Variants in SEMA5A observed in about 807,000 individuals in gnomAD.
SEMA5A encodes the protein semaphorin-5A.
Under a neutral mutation model 135.5 loss-of-function variants are expected in SEMA5A, and 55 were observed. That is an observed-to-expected ratio of 0.41 (90% confidence interval 0.33 to 0.51). The LOEUF (loss-of-function observed/expected upper bound fraction) is 0.51, where lower values mean the gene tolerates loss of function less well. SEMA5A is among the 20% of genes least tolerant of loss of function. The pLI is 0.37. For missense variants in SEMA5A, 1,290 were observed against 1,419.9 expected (o/e 0.91, Z 1.47); for synonymous variants, 580 against 546.5 (o/e 1.06, Z -0.85).
In SEMA5A at chr5:9,196,903, C is replaced by A. The variant is rs559500202; in HGVS notation, c.1068+265G>T. 1.2e-4 allele frequency among the ~76,000 whole-genome samples: 18 copies of A among 152,322 alleles called. No homozygotes were observed. In the East Asian group the frequency reaches 3.5e-3, roughly 29 times the overall value. ...ACTAATTGAAGCCTGGATTCCTAAC[C>A]TGCTGCAGAATGCTGGCCTTTTTCC... On this transcript the variant is annotated intron_variant, in intron 10 of 22. Transcript: ENST00000382496.
intron 1 of SEMA5A, among the ~76,000 whole-genome samples, chr5:9,501,774 G>T (rs1459188472): frequency 6.6e-6 from 1 of 152,148 alleles, no homozygotes; most frequent in Admixed American, 6.5e-5. Flanking sequence ...GAGCACCCAA[G>T]GACTCAGGAC....
rs1022790871 is a variant in SEMA5A, at chr5:9,444,629, C to T, written c.-174-6777G>A. ...GGTTGGTTCCACATTTTTGCAATTG[C>T]GAACTGTGATCCTATAAACATGCAT... On this transcript the variant is annotated intron_variant, in intron 1 of 22. Transcript: ENST00000382496. Among the ~76,000 whole-genome samples the T allele has an allele frequency of 7.9e-5, 12 of 152,164 alleles. No homozygotes were observed. The East Asian group carries it at 9.7e-4, about 12-fold the overall frequency.
intron 16 of SEMA5A, among the ~76,000 whole-genome samples, chr5:9,086,284 G>A (rs1738683734): frequency 1.3e-5 from 2 of 152,070 alleles, no homozygotes; most frequent in Admixed American, 6.5e-5. Context: ...GGGGCAGAGT[G>A]ATATGGTTTG....
chr5:9,306,878 G>A lies in SEMA5A; in HGVS notation c.270+11494C>T, dbSNP rs547280397. On this transcript the variant is annotated intron_variant, in intron 5 of 22. Coordinates refer to ENST00000382496, the MANE Select transcript of SEMA5A (RefSeq NM_003966.3). ...CTTGAATCAGAAACTAATGGCTATG[G>A]TTTAAAATTGCATTTGATTTTGATG... is the stretch of plus-strand genomic sequence containing the variant. Among the ~76,000 whole-genome samples the A allele has an allele frequency of 6.6e-5, 10 of 152,280 alleles. No homozygotes were observed. In the East Asian group the frequency reaches 1.7e-3, roughly 26 times the overall value.
chr5:9,373,289 A>G (rs1306859443), intron 3 of SEMA5A, among the ~76,000 whole-genome samples: 1 of 152,238 alleles, frequency 6.6e-6, no homozygotes, highest in East Asian at 1.9e-4. Context: ...ATATGGGAAT[A>G]AAACCCAAGT....
In SEMA5A at chr5:9,246,097, AT is replaced by A. The variant is rs199635380; in HGVS notation, c.271-8208del. 2.6e-3 allele frequency among the ~76,000 whole-genome samples: 396 copies of A among 152,270 alleles called. 11 individuals carry two copies. Among genetic ancestry groups the A allele is most frequent in the Admixed American group, 0.022 (338 of 15,284 alleles). On this transcript the variant is annotated intron_variant, in intron 5 of 22. Coordinates refer to ENST00000382496, the MANE Select transcript of SEMA5A (RefSeq NM_003966.3). ...CAAACGACTGGTGCACTTCAAAAAT[AT>A]TTCTAAGGTAAGGCTCATAAGAGCC...
intron 2 of SEMA5A, among the ~76,000 whole-genome samples, chr5:9,426,480 T>TAAAATAAAATAAAATAAAA (rs1757667449): frequency 4.0e-5 from 1 of 24,976 alleles, no homozygotes; most frequent in East Asian, 1.5e-3. Flanking sequence ...ATAAAATAAA[T>TAAAATAAAATAAAATAAAA]GTGTATTGTC....
chr5:9,045,246 T>C (rs1736186218), intron 21 of SEMA5A, among the ~76,000 whole-genome samples: 1 of 152,222 alleles, frequency 6.6e-6, no homozygotes, highest in South Asian at 2.1e-4. Context: ...ACAGGGTTTC[T>C]GCAGAAAAGT....
At chr5:9,127,023 T>G (rs1423872522) in intron 13 of SEMA5A, among the ~76,000 whole-genome samples, 3 of 152,222 alleles carry the variant, frequency 2.0e-5, no homozygotes, top group Non-Finnish European at 4.4e-5. Context: ...TTTCAATCTC[T>G]GAATACGAGG....
chr5:9,430,764 C>A (rs1439820531), intron 2 of SEMA5A, among the ~76,000 whole-genome samples: 2 of 151,820 alleles, frequency 1.3e-5, no homozygotes, highest in Non-Finnish European at 2.9e-5. Flanking sequence ...AGGGATCAGA[C>A]TGGGCTCAAA....
chr5:9,088,637 A>AATATAT (rs71611400), intron 16 of SEMA5A, among the ~76,000 whole-genome samples: 3,285 of 108,078 alleles, frequency 0.03, 296 homozygotes, highest in African/African-American at 0.12. Flanking sequence ...CTACATTTAT[A>AATATAT]ATATATATAT....
chr5:9,251,611 T>C (rs989506969), intron 5 of SEMA5A, among the ~76,000 whole-genome samples: 5 of 152,198 alleles, frequency 3.3e-5, no homozygotes, highest in Non-Finnish European at 7.3e-5. Flanking sequence ...TATGTAAATG[T>C]ATACGGCAGA....
At chr5:9,291,605 AAGAG>A (rs113178598) in intron 5 of SEMA5A, among the ~76,000 whole-genome samples, 7 of 126,674 alleles carry the variant, frequency 5.5e-5, no homozygotes, top group East Asian at 2.0e-4. Flanking sequence ...GAGAGAGAGA[AAGAG>A]AGAGAGAGAG....
chr5:9,215,134 C>T (rs548702575), intron 8 of SEMA5A, among the ~76,000 whole-genome samples: 1 of 152,298 alleles, frequency 6.6e-6, no homozygotes, highest in East Asian at 1.9e-4. Context: ...ATCCCTACCT[C>T]AGGACTCATG....
chr5:9,539,909 C>T (rs190498994), intron 1 of SEMA5A, among the ~76,000 whole-genome samples: 8 of 152,310 alleles, frequency 5.3e-5, no homozygotes, highest in Non-Finnish European at 8.8e-5. Flanking sequence ...TCTCCCAACC[C>T]TCCACCTGCC....
At chr5:9,098,648 G>A (rs1739459382) in intron 16 of SEMA5A, among the ~76,000 whole-genome samples, 1 of 152,206 alleles carries the variant, frequency 6.6e-6, no homozygotes, top group Non-Finnish European at 1.5e-5. Flanking sequence ...CCATCTGACT[G>A]AGCATTTGCT....
At chr5:9,314,818 C>A (rs1189088478) in intron 5 of SEMA5A, among the ~76,000 whole-genome samples, 1 of 152,112 alleles carries the variant, frequency 6.6e-6, no homozygotes. Flanking sequence ...CTGCTTTGCA[C>A]CAATGGTACA....
At chr5:9,489,947 T>C (rs2126797550) in intron 1 of SEMA5A, among the ~76,000 whole-genome samples, 1 of 152,292 alleles carries the variant, frequency 6.6e-6, no homozygotes, top group East Asian at 1.9e-4. Flanking sequence ...TGTTTTCTTC[T>C]TGCTATGTGA....
chr5:9,286,376 T>G (rs7737914), intron 5 of SEMA5A, among the ~76,000 whole-genome samples: 1 of 151,808 alleles, frequency 6.6e-6, no homozygotes, highest in Admixed American at 6.6e-5. Context: ...TATATGAACT[T>G]TTTTCCTACC....
Sources: allele counts gnomAD v4.1 joint callset (sites outside exome capture counted in the v4.1 genomes callset), GRCh38; gene constraint gnomAD v4.1.1; transcripts MANE v1.5; gene names NCBI Gene and HGNC (gene_info 2026-07-23, HGNC 2026-07-21).